The following KCNN2 variants were observed in gnomAD, a reference collection of about 807,000 sequenced individuals.
KCNN2 encodes the protein small conductance calcium-activated potassium channel protein 2.
A neutral mutation model predicts 55.5 loss-of-function variants in KCNN2; 24 were observed. That is an observed-to-expected ratio of 0.43 (90% CI 0.31 to 0.61). The LOEUF (loss-of-function observed/expected upper bound fraction) is 0.61, where lower values mean the gene tolerates loss of function less well. Ranked by LOEUF, KCNN2 falls within the 20% of genes least tolerant of loss-of-function variation. The pLI is 0.08. For missense variants in KCNN2, 754 were observed against 853.6 expected (o/e 0.88, Z 1.45); for synonymous variants, 431 against 336.1 (o/e 1.28, Z -3.09).
At chr5:114,456,389 AAAAC>A (rs1466149653) in intron 3 of KCNN2, among the ~76,000 whole-genome samples, 11 of 152,306 alleles carry the variant, frequency 7.2e-5, no homozygotes, top group African/African-American at 1.4e-4. Context: ...TCTGTTGCTC[AAAAC>A]AAACAAACAA....
chr5:114,089,772 G>T (rs1296354671), intron 1 of KCNN2, among the ~76,000 whole-genome samples: 1 of 152,128 alleles, frequency 6.6e-6, no homozygotes, highest in African/African-American at 2.4e-5. Flanking sequence ...TGTAGCTTTT[G>T]TTTATAATGG....
chr5:114,288,499 T>TGC (rs1554079590), intron 2 of KCNN2, among the ~76,000 whole-genome samples: 16 of 139,616 alleles, frequency 1.1e-4, no homozygotes, highest in African/African-American at 4.3e-4. Flanking sequence ...TATATATATA[T>TGC]ACACACACAC....
chr5:114,462,159 T>C (rs949629659), intron 3 of KCNN2, among the ~76,000 whole-genome samples: 15 of 152,164 alleles, frequency 9.9e-5, no homozygotes, highest in African/African-American at 3.6e-4. Flanking sequence ...CTTGCTGTTG[T>C]ATGCATACAT....
At chr5:114,335,117 G>A (rs1194797944) in intron 2 of KCNN2, among the ~76,000 whole-genome samples, 1 of 152,112 alleles carries the variant, frequency 6.6e-6, no homozygotes, top group African/African-American at 2.4e-5. Flanking sequence ...TAGAGACGGG[G>A]TTTCACCGTG....
At chr5:114,301,215 T>C (rs770651385) in intron 2 of KCNN2, among the ~76,000 whole-genome samples, 1 of 152,306 alleles carries the variant, frequency 6.6e-6, no homozygotes, top group Middle Eastern at 3.4e-3. Context: ...GTTTATTAGC[T>C]CTGTAACCTT....
intron 2 of KCNN2, among the ~76,000 whole-genome samples, chr5:114,233,520 T>C (rs184957553): frequency 1.1e-4 from 16 of 152,216 alleles, no homozygotes; most frequent in Admixed American, 2.6e-4. Context: ...GTTTCTCCCT[T>C]GACTCTGTTT....
chr5:114,090,949 C>T (rs1751131477), intron 1 of KCNN2, among the ~76,000 whole-genome samples: 1 of 152,110 alleles, frequency 6.6e-6, no homozygotes, highest in Non-Finnish European at 1.5e-5. Flanking sequence ...GTGATCTGCC[C>T]ACCTCAGCCT....
chr5:114,354,982 A>G (rs1757272063), intron 2 of KCNN2, among the ~76,000 whole-genome samples: 1 of 152,214 alleles, frequency 6.6e-6, no homozygotes, highest in African/African-American at 2.4e-5. Context: ...TAGAAGATAA[A>G]TATGAATATG....
intron 5 of KCNN2, among the ~76,000 whole-genome samples, chr5:114,485,527 C>T (rs929122847): frequency 3.9e-5 from 6 of 152,172 alleles, no homozygotes; most frequent in African/African-American, 1.2e-4. Context: ...GTGGCTCTCC[C>T]GGCTGTCTGA....
At chr5:114,490,302 C>CA (rs973057116) in intron 6 of KCNN2, among the ~76,000 whole-genome samples, 4 of 152,038 alleles carry the variant, frequency 2.6e-5, no homozygotes, top group African/African-American at 7.2e-5. Context: ...TGTACCCCCC[C>CA]AAAAAAATTA....
intron 1 of KCNN2, among the ~76,000 whole-genome samples, chr5:114,197,355 T>A (rs1276572529): frequency 6.6e-6 from 1 of 152,236 alleles, no homozygotes; most frequent in Non-Finnish European, 1.5e-5. Flanking sequence ...GTTTATAGAA[T>A]TGTTCAAGTC....
intron 1 of KCNN2, among the ~76,000 whole-genome samples, chr5:114,084,630 TAAC>T (rs1316139069): frequency 6.6e-6 from 1 of 152,106 alleles, no homozygotes; most frequent in Admixed American, 6.6e-5. Context: ...TTAGTACTCT[TAAC>T]AATGTCATTC....
intron 1 of KCNN2, among the ~76,000 whole-genome samples, chr5:114,162,377 G>C (rs2112532679): frequency 6.6e-6 from 1 of 152,258 alleles, no homozygotes; most frequent in South Asian, 2.1e-4. Context: ...TGTCTCAGAG[G>C]AGTACCCGGC....
At chr5:114,098,004 T>G (rs546177342) in intron 1 of KCNN2, among the ~76,000 whole-genome samples, 54 of 152,166 alleles carry the variant, frequency 3.5e-4, no homozygotes, top group Non-Finnish European at 2.5e-4. Flanking sequence ...TGGCCGAAAT[T>G]AAGGTGTCGG....
At chr5:114,461,775 G>T (rs367667472) in intron 3 of KCNN2, among the ~76,000 whole-genome samples, 12 of 151,970 alleles carry the variant, frequency 7.9e-5, no homozygotes, top group East Asian at 7.7e-4. Context: ...AGTGTAGGTT[G>T]CATATAGGGC....
intron 1 of KCNN2, among the ~76,000 whole-genome samples, chr5:114,220,849 A>AC: frequency 6.6e-6 from 1 of 151,084 alleles, no homozygotes; most frequent in South Asian, 2.1e-4. Flanking sequence ...AAAAAAAGTT[A>AC]AAGTCAAGTT....
intron 5 of KCNN2, among the ~76,000 whole-genome samples, chr5:114,482,779 G>GA (rs1762282208): frequency 6.6e-6 from 1 of 152,136 alleles, no homozygotes; most frequent in South Asian, 2.1e-4. Flanking sequence ...TGCAGGAACA[G>GA]AAAATCAAAC....
intron 1 of KCNN2, among the ~76,000 whole-genome samples, chr5:114,164,599 A>C (rs1752868661): frequency 6.6e-6 from 1 of 152,310 alleles, no homozygotes; most frequent in African/African-American, 2.4e-5. Context: ...ATTGTCTCCA[A>C]GAAAAATCAA....
intron 3 of KCNN2, among the ~76,000 whole-genome samples, chr5:114,424,651 G>C (rs1759567710): frequency 6.6e-6 from 1 of 152,192 alleles, no homozygotes; most frequent in Non-Finnish European, 1.5e-5. Flanking sequence ...AGGAAAGCCA[G>C]CTGAGAGGCT....
Sources: gnomAD v4.1 joint callset for allele counts (sites outside exome capture counted in the v4.1 genomes callset) on GRCh38, gnomAD v4.1.1 for gene constraint, MANE v1.5 for transcripts, NCBI Gene and HGNC (gene_info 2026-07-23, HGNC 2026-07-21) for gene names.